The following KATNAL1 variants were observed in gnomAD, a reference collection of about 807,000 sequenced individuals.
The protein encoded by KATNAL1 is katanin p60 ATPase-containing subunit A-like 1.
A neutral mutation model predicts 55.2 loss-of-function variants in KATNAL1; 32 were observed. That is an observed-to-expected ratio of 0.58 (90% CI 0.44 to 0.78). The LOEUF (loss-of-function observed/expected upper bound fraction) is 0.78. Among genes scored for constraint, KATNAL1 ranks in the 30% least tolerant of loss-of-function variants. The probability of loss-of-function intolerance (pLI) is 0.00; values close to 1 mark genes in which losing one functional copy is unlikely to be tolerated. For synonymous variants in KATNAL1, 193 were observed against 193.6 expected (o/e 1.00, Z 0.02); for missense variants, 466 against 600.9 (o/e 0.78, Z 2.35).
At chr13:30,278,347 A>T (rs7990931) in intron 3 of KATNAL1, among the ~76,000 whole-genome samples, 9,710 of 152,282 alleles carry the variant, frequency 0.064, 463 homozygotes, top group East Asian at 0.25. Flanking sequence ...CAAAGAAAGG[A>T]GAATCAGAGA....
At chr13:30,209,327 A>G (rs1304293248) in intron 10 of KATNAL1, among the ~76,000 whole-genome samples, 2 of 152,250 alleles carry the variant, frequency 1.3e-5, no homozygotes, top group Admixed American at 6.5e-5. Context: ...ATAATTCATA[A>G]TCACAAAAAA....
intron 6 of KATNAL1, among the ~76,000 whole-genome samples, chr13:30,239,685 AT>A (rs35752433): frequency 0.38 from 37,886 of 98,590 alleles, 4,588 homozygotes; most frequent in East Asian, 0.57. Flanking sequence ...TACAGAAGTG[AT>A]TTTTTTTTTT....
intron 1 of KATNAL1, among the ~76,000 whole-genome samples, chr13:30,298,895 A>T (rs1882693955): frequency 6.6e-6 from 1 of 152,196 alleles, no homozygotes; most frequent in African/African-American, 2.4e-5. Context: ...AGAAAAAAGA[A>T]AGGCAAAATT....
At chr13:30,269,996 G>A (rs1240257423) in intron 3 of KATNAL1, among the ~76,000 whole-genome samples, 12 of 139,656 alleles carry the variant, frequency 8.6e-5, no homozygotes, top group South Asian at 2.3e-4. Context: ...CCCTCTGCCC[G>A]GCCAGCCGCC....
rs1270319414 is a variant in KATNAL1 at position 30,207,000 on chromosome 13, T to C, written c.*1540A>G. On this transcript the variant is annotated 3_prime_UTR_variant, in exon 11 of 11. Transcript: ENST00000380615. ...AGACTTAAGTTATCTGAAAAGAACATAAGGCATTTACAGTTTTTAGCAGGG... is the reference window on the plus strand; with the variant it reads ...AGACTTAAGTTATCTGAAAAGAACACAAGGCATTTACAGTTTTTAGCAGGG... The C allele has an allele frequency of 6.6e-6, 1 of 152,156 alleles. No homozygotes were observed. The highest frequency in any genetic ancestry group is 1.9e-4 in the East Asian group (1 of 5,200). 9.4% of individuals were successfully genotyped at this position (152,156 alleles called of 1,614,324 possible). A position where few individuals can be genotyped will look rare whatever the true frequency, so the allele number is the denominator to read the frequency against.
chr13:30,262,979 T>C (rs1042396145), intron 3 of KATNAL1, among the ~76,000 whole-genome samples: 17 of 152,206 alleles, frequency 1.1e-4, no homozygotes, highest in Admixed American at 2.6e-4. Flanking sequence ...AATAAAATAC[T>C]GGCAAACCGA....
At chr13:30,294,054 C>CCTCT (rs981694935) in intron 1 of KATNAL1, among the ~76,000 whole-genome samples, 1 of 151,814 alleles carries the variant, frequency 6.6e-6, no homozygotes, top group African/African-American at 2.4e-5. Flanking sequence ...AGGCTGTTGC[C>CCTCT]CTCTCTCTCT....
At chr13:30,305,899 G>A (rs1593197160) in intron 1 of KATNAL1, among the ~76,000 whole-genome samples, 1 of 152,170 alleles carries the variant, frequency 6.6e-6, no homozygotes, top group African/African-American at 2.4e-5. Flanking sequence ...ACCTTATGTT[G>A]TATCACATAA....
At chr13:30,270,306 C>T (rs1229018868) in intron 3 of KATNAL1, among the ~76,000 whole-genome samples, 3 of 150,132 alleles carry the variant, frequency 2.0e-5, no homozygotes, top group Non-Finnish European at 3.0e-5. Flanking sequence ...GGTGGGGGGT[C>T]AGCCCCCCGC....
chr13:30,252,331 A>G (rs1320518241), intron 4 of KATNAL1, among the ~76,000 whole-genome samples: 1 of 152,246 alleles, frequency 6.6e-6, no homozygotes, highest in East Asian at 1.9e-4. Context: ...TACTACTGCT[A>G]TTATTAGTTG....
At chr13:30,261,478 C>T (rs1331012069) in intron 3 of KATNAL1, among the ~76,000 whole-genome samples, 1 of 152,110 alleles carries the variant, frequency 6.6e-6, no homozygotes, top group Non-Finnish European at 1.5e-5. Context: ...ACCCATCTCA[C>T]GTGCAGAGAC....
At chr13:30,216,445 T>C (rs1874239497) in intron 9 of KATNAL1, among the ~76,000 whole-genome samples, 1 of 152,158 alleles carries the variant, frequency 6.6e-6, no homozygotes, top group African/African-American at 2.4e-5. Context: ...TATTGAGTTA[T>C]GTTTCACACA....
chr13:30,303,379 T>A (rs1882981514), intron 1 of KATNAL1, among the ~76,000 whole-genome samples: 1 of 152,190 alleles, frequency 6.6e-6, no homozygotes, highest in African/African-American at 2.4e-5. Context: ...CATATATAAG[T>A]ATAGTTATCA....
chr13:30,245,238 G>T (rs996714575), intron 4 of KATNAL1, among the ~76,000 whole-genome samples: 1 of 152,098 alleles, frequency 6.6e-6, no homozygotes, highest in Non-Finnish European at 1.5e-5. Flanking sequence ...TGGGATGCAG[G>T]GCTAGTTCAA....
intron 1 of KATNAL1, among the ~76,000 whole-genome samples, chr13:30,289,174 G>A (rs1380367036): frequency 6.6e-6 from 1 of 152,108 alleles, no homozygotes; most frequent in Non-Finnish European, 1.5e-5. Context: ...TTCAAACTCA[G>A]CCTTGACTTT....
chr13:30,289,452 G>C (rs1881996923), intron 1 of KATNAL1, among the ~76,000 whole-genome samples: 1 of 152,058 alleles, frequency 6.6e-6, no homozygotes, highest in Non-Finnish European at 1.5e-5. Context: ...GTTTACTCTG[G>C]GTGCAGCCTG....
intron 1 of KATNAL1, among the ~76,000 whole-genome samples, chr13:30,302,283 A>G (rs1882903044): frequency 2.6e-5 from 4 of 152,240 alleles, no homozygotes; most frequent in Non-Finnish European, 4.4e-5. Context: ...CAAATAACCT[A>G]TATACATATA....
At chr13:30,297,245 G>C (rs1451841011) in intron 1 of KATNAL1, among the ~76,000 whole-genome samples, 1 of 151,894 alleles carries the variant, frequency 6.6e-6, no homozygotes, top group African/African-American at 2.4e-5. Context: ...AGAAGAAATT[G>C]CCACAGCCAC....
At chr13:30,222,423 A>G (rs1296148783) in intron 9 of KATNAL1, among the ~76,000 whole-genome samples, 3 of 152,162 alleles carry the variant, frequency 2.0e-5, no homozygotes, top group Non-Finnish European at 4.4e-5. Context: ...GTGTGAGCCA[A>G]CTGCCTAAAA....
Sources: allele counts gnomAD v4.1 joint callset (sites outside exome capture counted in the v4.1 genomes callset), GRCh38; gene constraint gnomAD v4.1.1; transcripts MANE v1.5; gene names NCBI Gene and HGNC (gene_info 2026-07-23, HGNC 2026-07-21).